The following PLXNA2 variants were observed in gnomAD, a reference collection of about 807,000 sequenced individuals.
The protein encoded by PLXNA2 is plexin-A2.
A neutral mutation model predicts 193.5 loss-of-function variants in PLXNA2; 91 were observed. The observed-to-expected ratio is 0.47, with a 90% CI of 0.40 to 0.56. The LOEUF (loss-of-function observed/expected upper bound fraction) is 0.56, where lower values mean the gene tolerates loss of function less well. PLXNA2 is among the 20% of genes least tolerant of loss of function. PLXNA2 has a pLI of 0.00. For missense variants in PLXNA2, 1,995 were observed against 2,503.2 expected (o/e 0.80, Z 4.33); for synonymous variants, 997 against 1,027.3 (o/e 0.97, Z 0.56).
chr1:208,233,723 T>C (rs1318435224), intron 1 of PLXNA2, among the ~76,000 whole-genome samples: 1 of 152,208 alleles, frequency 6.6e-6, no homozygotes, highest in Non-Finnish European at 1.5e-5. Flanking sequence ...GCTTGGGTCA[T>C]TGTCTCAGCC....
intron 2 of PLXNA2, 22 bp downstream of exon 2, chr1:208,216,709 GCAGA>G: frequency 6.3e-7 from 1 of 1,592,514 alleles, no homozygotes; most frequent in Non-Finnish European, 8.5e-7. Context: ...TGGAGCAGGA[GCAGA>G]GCGAGGTGTG....
At chr1:208,124,417 G>A (rs1220955927) in intron 4 of PLXNA2, among the ~76,000 whole-genome samples, 6 of 152,144 alleles carry the variant, frequency 3.9e-5, no homozygotes, top group South Asian at 2.1e-4. Flanking sequence ...GGTGGCTCAC[G>A]TCTGTAATCC....
At chr1:208,123,768 A>G (rs1375269064) in intron 4 of PLXNA2, among the ~76,000 whole-genome samples, 1 of 152,252 alleles carries the variant, frequency 6.6e-6, no homozygotes, top group African/African-American at 2.4e-5. Context: ...AGCAGAAAGC[A>G]GTACCCTTGG....
At chr1:208,210,940 G>A (rs1209660082) in intron 2 of PLXNA2, among the ~76,000 whole-genome samples, 5 of 152,206 alleles carry the variant, frequency 3.3e-5, no homozygotes, top group Admixed American at 3.3e-4. Flanking sequence ...CCCTTTGGGT[G>A]CAAGAAATTT....
intron 3 of PLXNA2, among the ~76,000 whole-genome samples, chr1:208,180,356 G>A (rs1319312935): frequency 1.3e-5 from 2 of 152,032 alleles, no homozygotes; most frequent in East Asian, 3.9e-4. Context: ...GGCCTGAGTG[G>A]GCACCTCTGC....
intron 4 of PLXNA2, among the ~76,000 whole-genome samples, chr1:208,140,632 T>C (rs1362596252): frequency 2.0e-5 from 3 of 152,266 alleles, no homozygotes; most frequent in Admixed American, 2.0e-4. Context: ...ATGGTGCTCA[T>C]CAAATGTTAA....
Position 208,069,644 on chromosome 1 carries a change from C to A in PLXNA2, c.2587-8807G>T, listed in dbSNP as rs59435367. ...TTCCTAGGTTCAGCCTCAGGCAGAG[C>A]CTTGTCAGGGCAGGGTTGGGGCCAA... On this transcript the variant is annotated intron_variant, in intron 12 of 31. Transcript: ENST00000367033. Among the ~76,000 whole-genome samples the A allele has an allele frequency of 7.5e-3, 1,145 of 152,192 alleles. 10 individuals carry two copies. The highest frequency in any genetic ancestry group is 0.027 in the African/African-American group (1,107 of 41,500).
intron 26 of PLXNA2, among the ~76,000 whole-genome samples, chr1:208,036,363 C>A (rs1029657654): frequency 6.6e-6 from 1 of 152,178 alleles, no homozygotes; most frequent in Non-Finnish European, 1.5e-5. Context: ...GTCACTAAAC[C>A]GCTCCTGTCC....
chr1:208,095,341 C>T (rs1666845617), intron 8 of PLXNA2, among the ~76,000 whole-genome samples: 4 of 152,332 alleles, frequency 2.6e-5, no homozygotes, highest in Non-Finnish European at 4.4e-5. Flanking sequence ...GCTTCTCACA[C>T]AGTTGTGGGG....
chr1:208,155,127 T>C (rs1309914974), intron 3 of PLXNA2, among the ~76,000 whole-genome samples: 1 of 152,090 alleles, frequency 6.6e-6, no homozygotes, highest in East Asian at 1.9e-4. Flanking sequence ...AGCAGGTGCA[T>C]GGAGCGCGAA....
chr1:208,183,501 ATG>A (rs1446719979), intron 3 of PLXNA2, among the ~76,000 whole-genome samples: 2 of 151,448 alleles, frequency 1.3e-5, no homozygotes, highest in Non-Finnish European at 2.9e-5. Context: ...AGGGGCAGAG[ATG>A]GGAGGGAAAC....
In PLXNA2 at chr1:208,096,760, T is replaced by A; in HGVS notation, c.1855A>T (p.Lys619Ter). Residue 619 changes from lysine (K) to a stop codon, truncating the protein, a stop_gained, in exon 7 of 32, where the codon AAG becomes TAG. Transcript: ENST00000367033. LOFTEE classifies it high-confidence loss of function. ...SQVICISPGP[K>*]DVPVIPLDQD... is the part of the protein sequence containing the mutation. ...TCCAGCGGGATGACAGGGACATCCTTGGGCCCAGGTGAGATGCAGATGACC... is the reference window on the plus strand; with the variant it reads ...TCCAGCGGGATGACAGGGACATCCTAGGGCCCAGGTGAGATGCAGATGACC... 6.2e-7 allele frequency: 1 copy of A among 1,614,114 alleles called. No individual in the cohort carries two copies. Among genetic ancestry groups the A allele is most frequent in the Non-Finnish European group, 8.5e-7 (1 of 1,180,032 alleles).
At position 208,051,290 on chromosome 1, in the gene PLXNA2, C is replaced by A; in HGVS notation, c.3127G>T (p.Val1043Phe). 1 of 1,613,020 alleles carries A rather than the reference C, an allele frequency of 6.2e-7. No individual in the cohort carries two copies. The highest frequency in any genetic ancestry group is 8.5e-7 in the Non-Finnish European group (1 of 1,179,516). The part of the protein sequence containing the change: ...LQFEYIDDPR[V>F]QRIEPEWSIA... ...CTCCACTCTGGCTCGATGCGCTGGACCCGAGGGTCATCTATGTACTCAAAC... is the reference window on the plus strand; with the variant it reads ...CTCCACTCTGGCTCGATGCGCTGGAACCGAGGGTCATCTATGTACTCAAAC... The change falls in exon 16 of 32, where the codon GTC becomes TTC. Residue 1043 changes from valine to phenylalanine, a missense_variant. This residue lies in a region of PLXNA2 where 1,291 missense variants were observed against 1,673.6 expected (regional missense o/e 0.77). Coordinates refer to ENST00000367033, the MANE Select transcript of PLXNA2 (RefSeq NM_025179.4).
intron 9 of PLXNA2, 100 bp downstream of exon 9, chr1:208,092,686 G>T: frequency 1.4e-6 from 1 of 736,994 alleles, no homozygotes; most frequent in East Asian, 2.8e-5. Flanking sequence ...AGATGGGCCA[G>T]GGCAAGAAAA....
In PLXNA2 at chr1:208,087,056, A is replaced by C. The variant is rs1365068482; in HGVS notation, c.2098-2476T>G. Among the ~76,000 whole-genome samples the C allele has an allele frequency of 2.0e-5, 3 of 151,086 alleles. No individual in the cohort carries two copies. In the East Asian group the frequency reaches 6.0e-4, roughly 30 times the overall value. Reference sequence around the variant, plus strand: ...GAGAGACAGAGAGAAAGAGAGAGAGATTTTCTTACTCCGAACCAGCTGATG... The same window carrying C: ...GAGAGACAGAGAGAAAGAGAGAGAGCTTTTCTTACTCCGAACCAGCTGATG... On this transcript the variant is annotated intron_variant, in intron 9 of 31. Transcript: ENST00000367033.
At chr1:208,034,710 A>G (rs1258936965) in intron 26 of PLXNA2, 118 bp from the exon 27 acceptor site, 1 of 637,698 alleles carries the variant, frequency 1.6e-6, no homozygotes, top group East Asian at 2.8e-5. Context: ...CAAGGAGTAC[A>G]GGAATACCAG....
intron 1 of PLXNA2, among the ~76,000 whole-genome samples, chr1:208,242,905 G>A (rs779259633): frequency 3.3e-5 from 5 of 152,110 alleles, no homozygotes; most frequent in Non-Finnish European, 5.9e-5. Context: ...AGAGCACATG[G>A]AAGGAAACAT....
intron 3 of PLXNA2, among the ~76,000 whole-genome samples, chr1:208,153,680 G>A (rs1668843488): frequency 2.6e-5 from 4 of 152,158 alleles, no homozygotes; most frequent in South Asian, 2.1e-4. Flanking sequence ...TTGAGGTTAC[G>A]AAGATGAGGT....
At chr1:208,027,440 T>A in intron 31 of PLXNA2, 102 bp from the exon 32 acceptor site, 1 of 824,116 alleles carries the variant, frequency 1.2e-6, no homozygotes, top group Non-Finnish European at 2.0e-6. Context: ...CTTTCCATTC[T>A]GCCTTCATGC....
Sources: gnomAD v4.1 joint callset for allele counts (sites outside exome capture counted in the v4.1 genomes callset) on GRCh38, gnomAD v4.1.1 for gene constraint, gnomAD v4.1.1 regional missense constraint, MANE v1.5 for transcripts, NCBI Gene and HGNC (gene_info 2026-07-23, HGNC 2026-07-21) for gene names.